Variants in FKBP5 observed in about 807,000 individuals in gnomAD.
FKBP5 encodes the protein peptidyl-prolyl cis-trans isomerase FKBP5.
In FKBP5, 23 loss-of-function variants were observed where a neutral mutation model predicts 50.5. That is an observed-to-expected ratio of 0.46 (90% CI 0.33 to 0.65). The LOEUF (loss-of-function observed/expected upper bound fraction) is 0.65. FKBP5 is among the 30% of genes least tolerant of loss of function. The pLI is 0.02. For missense variants in FKBP5, 411 were observed against 553.1 expected, an observed-to-expected ratio of 0.74 and a Z score of 2.58; for synonymous variants, 176 against 190.6, an observed-to-expected ratio of 0.92 and a Z score of 0.63.
intron 1 of FKBP5, among the ~76,000 whole-genome samples, chr6:35,649,047 C>T (rs140718968): frequency 2.7e-4 from 41 of 152,088 alleles, no homozygotes; most frequent in Non-Finnish European, 4.7e-4. Context: ...GTCAGGAGAT[C>T]GAGACCATCC....
intron 3 of FKBP5, among the ~76,000 whole-genome samples, chr6:35,631,954 C>CA (rs763457961): frequency 0.087 from 5,421 of 62,398 alleles, 361 homozygotes; most frequent in African/African-American, 0.21. Flanking sequence ...GACTCTGTCT[C>CA]AAAAAAAAAA....
chr6:35,624,498 T>A (rs35508106), intron 3 of FKBP5, among the ~76,000 whole-genome samples: 190 of 4,436 alleles, frequency 0.043, 2 homozygotes, highest in Middle Eastern at 0.083. Flanking sequence ...AGAAAAAAAA[T>A]TTTTTTTTTG....
chr6:35,621,525 G>GA (rs941105233), intron 3 of FKBP5, among the ~76,000 whole-genome samples: 2 of 151,876 alleles, frequency 1.3e-5, no homozygotes, highest in African/African-American at 4.8e-5. Context: ...GGCTGAGGCA[G>GA]GAGAATTGCT....
intron 6 of FKBP5, among the ~76,000 whole-genome samples, chr6:35,593,988 A>C (rs1762901276): frequency 6.6e-6 from 1 of 152,208 alleles, no homozygotes; most frequent in African/African-American, 2.4e-5. Context: ...AACAATACAA[A>C]GGGAAGATAT....
intron 2 of FKBP5, among the ~76,000 whole-genome samples, chr6:35,694,787 T>A (rs1243721184): frequency 6.6e-6 from 1 of 152,202 alleles, no homozygotes; most frequent in East Asian, 1.9e-4. Context: ...GGGGTTTTTT[T>A]AGTTATGTAT....
chr6:35,628,194 T>C (rs1418632558), intron 3 of FKBP5, among the ~76,000 whole-genome samples: 1 of 152,176 alleles, frequency 6.6e-6, no homozygotes, highest in Non-Finnish European at 1.5e-5. Flanking sequence ...TTCATTCTTT[T>C]ACATGTGGAT....
intron 8 of FKBP5, chr6:35,583,841 C>G (rs1305690180): frequency 1.0e-6 from 1 of 985,228 alleles, no homozygotes; most frequent in Non-Finnish European, 1.2e-6. Flanking sequence ...ATCCTAGAGT[C>G]ATAAACGGCT....
chr6:35,581,672 A>G (rs1483707412), intron 8 of FKBP5: 1 of 985,460 alleles, frequency 1.0e-6, no homozygotes, highest in Non-Finnish European at 1.2e-6. Context: ...GGTAAATGAA[A>G]GCACTGGGGA....
intron 1 of FKBP5, among the ~76,000 whole-genome samples, chr6:35,724,054 A>G (rs1457565565): frequency 6.6e-6 from 1 of 152,262 alleles, no homozygotes; most frequent in Non-Finnish European, 1.5e-5. Flanking sequence ...GAGTTAAGGC[A>G]GGTACATTAA....
Position 35,642,758 on chromosome 6 carries a change from C to T in FKBP5, c.67G>A (p.Glu23Lys). 6.2e-7 allele frequency: 1 copy of T among 1,614,074 alleles called. No individual in the cohort carries two copies. Among genetic ancestry groups the T allele is most frequent in the South Asian group, 1.1e-5 (1 of 91,056 alleles). The change falls in exon 2 of 11, where the codon GAG becomes AAG. Residue 23 changes from glutamate to lysine, a missense_variant. Physicochemically the swap from Glu to Lys is moderately conservative, Grantham distance 56. Transcript: ENST00000357266. Reference protein sequence around the residue: ...SPTATVAEQGEDITSKKDRGV... With the variant: ...SPTATVAEQGKDITSKKDRGV... Reference sequence around the variant, plus strand: ...CTGTCTTTTTTGGAGGTAATATCCTCTCCCTGCTCAGCAACAGTGGCTGTG... The same window carrying T: ...CTGTCTTTTTTGGAGGTAATATCCTTTCCCTGCTCAGCAACAGTGGCTGTG...
rs200691952 is a variant in FKBP5 at position 35,620,180 on chromosome 6, C to T, written c.345G>A (p.Ser115=). 2.4e-5 allele frequency: 39 copies of T among 1,607,968 alleles called. No homozygotes were observed. Among genetic ancestry groups the T allele is most frequent in the Middle Eastern group, 1.7e-4 (1 of 6,036 alleles). The change falls in exon 4 of 11, where the codon TCG becomes TCA. Residue 115 remains serine (S), a synonymous_variant. Coordinates refer to ENST00000357266, the MANE Select transcript of FKBP5 (RefSeq NM_004117.4). The stretch of plus-strand genomic sequence containing the variant: ...AGGGAATTTTAGGGAGACTGCCAGC[C>T]GAGCCATATGCATATTCTGGTTTGC... ...LLCKPEYAYG[S]AGSLPKIPSN...
At chr6:35,665,844 C>T (rs1412639908) in intron 1 of FKBP5, among the ~76,000 whole-genome samples, 5 of 152,062 alleles carry the variant, frequency 3.3e-5, no homozygotes, top group African/African-American at 9.7e-5. Flanking sequence ...CTCCAAGCAC[C>T]CATACAACTA....
intron 3 of FKBP5, among the ~76,000 whole-genome samples, chr6:35,628,788 G>A (rs1207029121): frequency 1.3e-5 from 2 of 150,794 alleles, no homozygotes; most frequent in South Asian, 4.2e-4. Flanking sequence ...GCACAATCTC[G>A]GCTTACTGCA....
intron 2 of FKBP5, among the ~76,000 whole-genome samples, chr6:35,708,635 C>G (rs1766363639): frequency 6.6e-6 from 1 of 151,920 alleles, no homozygotes; most frequent in African/African-American, 2.4e-5. Flanking sequence ...TTAGTTGTGC[C>G]CCAGTATCCA....
At chr6:35,586,781 C>T (rs974788013) in intron 8 of FKBP5, 4 of 1,372,968 alleles carry the variant, frequency 2.9e-6, no homozygotes, top group South Asian at 1.7e-5. Flanking sequence ...GGTGGGGATG[C>T]CAGACCTGGT....
intron 2 of FKBP5, among the ~76,000 whole-genome samples, chr6:35,708,239 A>C: frequency 6.6e-6 from 1 of 152,176 alleles, no homozygotes; most frequent in Non-Finnish European, 1.5e-5. Context: ...TTAAATAAAT[A>C]ATGGTACATT....
At chr6:35,709,764 G>A (rs1212371450) in intron 2 of FKBP5, among the ~76,000 whole-genome samples, 5 of 151,930 alleles carry the variant, frequency 3.3e-5, no homozygotes, top group Admixed American at 6.6e-5. Context: ...TCATGCAAAC[G>A]CTTTCATTCC....
At chr6:35,726,524 T>TCTC (rs1490454973) in intron 1 of FKBP5, among the ~76,000 whole-genome samples, 3 of 134,952 alleles carry the variant, frequency 2.2e-5, no homozygotes, top group Non-Finnish European at 4.6e-5. Flanking sequence ...ACCCCTCCCA[T>TCTC]CTCCTCCTCC....
At chr6:35,643,207 T>C (rs892946317) in intron 1 of FKBP5, among the ~76,000 whole-genome samples, 2 of 152,152 alleles carry the variant, frequency 1.3e-5, no homozygotes, top group Non-Finnish European at 2.9e-5. Flanking sequence ...ACCTTATCAG[T>C]TCTTAATAAA....
Sources: allele counts gnomAD v4.1 joint callset (sites outside exome capture counted in the v4.1 genomes callset), GRCh38; gene constraint gnomAD v4.1.1; transcripts MANE v1.5; gene names NCBI Gene and HGNC (gene_info 2026-07-23, HGNC 2026-07-21).